The following HIBADH variants were observed in gnomAD, a reference collection of about 807,000 sequenced individuals.
HIBADH encodes the protein 3-hydroxyisobutyrate dehydrogenase, also known as 3-hydroxyisobutyrate dehydrogenase, mitochondrial.
HIBADH carries 25 observed loss-of-function variants against 36.1 expected under a neutral mutation model. That is an observed-to-expected ratio of 0.69 (90% confidence interval 0.50 to 0.97). The LOEUF (loss-of-function observed/expected upper bound fraction) is 0.97, where lower values mean the gene tolerates loss of function less well. HIBADH is among the 50% of genes least tolerant of loss of function. The probability of loss-of-function intolerance (pLI) is 0.00; values close to 1 mark genes in which losing one functional copy is unlikely to be tolerated. For missense variants in HIBADH, 421 were observed against 418.0 expected (o/e 1.01, Z -0.06); for synonymous variants, 160 against 149.5 (o/e 1.07, Z -0.51).
intron 4 of HIBADH, among the ~76,000 whole-genome samples, chr7:27,573,977 A>T (rs998724925): frequency 6.6e-6 from 1 of 152,090 alleles, no homozygotes; most frequent in Non-Finnish European, 1.5e-5. Context: ...TGTGGCTTAT[A>T]TTACATTTCT....
chr7:27,660,542 G>T (rs191180487), intron 1 of HIBADH, among the ~76,000 whole-genome samples: 11 of 152,268 alleles, frequency 7.2e-5, no homozygotes, highest in Admixed American at 2.0e-4. Context: ...GCAGGCGCCT[G>T]TAGTCCCAGG....
intron 4 of HIBADH, among the ~76,000 whole-genome samples, chr7:27,573,953 T>A (rs760293323): frequency 2.0e-5 from 3 of 152,184 alleles, no homozygotes; most frequent in Non-Finnish European, 4.4e-5. Context: ...TACTAAAAAA[T>A]TTTAAATTAC....
chr7:27,635,288 G>T (rs961539704), intron 2 of HIBADH, among the ~76,000 whole-genome samples: 2 of 152,140 alleles, frequency 1.3e-5, no homozygotes, highest in African/African-American at 4.8e-5. Flanking sequence ...CAACCTTGTT[G>T]CCAGTCTGAC....
intron 4 of HIBADH, among the ~76,000 whole-genome samples, chr7:27,567,515 G>A (rs913687182): frequency 3.3e-5 from 5 of 151,956 alleles, no homozygotes; most frequent in Non-Finnish European, 5.9e-5. Flanking sequence ...AAGTCTACTA[G>A]TTTATTTTCT....
chr7:27,662,484 G>A (rs1786443368), intron 1 of HIBADH, among the ~76,000 whole-genome samples: 3 of 152,160 alleles, frequency 2.0e-5, no homozygotes, highest in Non-Finnish European at 4.4e-5. Context: ...CGTTCATCAG[G>A]AGCCCGGGAG....
intron 4 of HIBADH, among the ~76,000 whole-genome samples, chr7:27,557,845 G>A (rs187172969): frequency 8.5e-5 from 13 of 152,252 alleles, no homozygotes; most frequent in East Asian, 5.8e-4. Context: ...CATTCAAACC[G>A]TAGCACAATA....
chr7:27,629,584 C>T (rs893344837), intron 3 of HIBADH, 92 bp from the exon 4 acceptor site: 9 of 809,796 alleles, frequency 1.1e-5, no homozygotes, highest in Non-Finnish European at 1.4e-5. Context: ...TGAAAAGCTG[C>T]CATATATCAA....
At chr7:27,630,913 C>A (rs905329061) in intron 3 of HIBADH, among the ~76,000 whole-genome samples, 9 of 152,088 alleles carry the variant, frequency 5.9e-5, no homozygotes, top group African/African-American at 1.7e-4. Context: ...GTTTATCAAT[C>A]TGTGATCTTA....
intron 4 of HIBADH, among the ~76,000 whole-genome samples, chr7:27,611,336 A>G (rs190864406): frequency 6.6e-6 from 1 of 152,366 alleles, no homozygotes; most frequent in African/African-American, 2.4e-5. Context: ...AAGCACAGCT[A>G]TAATGATGCC....
intron 5 of HIBADH, 46 bp downstream of exon 5, chr7:27,542,921 T>C (rs761349197): frequency 6.3e-7 from 1 of 1,579,868 alleles, no homozygotes; most frequent in Admixed American, 1.8e-5. Flanking sequence ...GGAACATTAG[T>C]CAATTTTACA....
intron 4 of HIBADH, among the ~76,000 whole-genome samples, chr7:27,603,004 T>C (rs1785158437): frequency 6.6e-6 from 1 of 152,146 alleles, no homozygotes; most frequent in South Asian, 2.1e-4. Flanking sequence ...TTACATCAGA[T>C]ACAGCCAGGC....
chr7:27,540,715 C>T (rs1784136360), intron 5 of HIBADH, among the ~76,000 whole-genome samples: 2 of 152,172 alleles, frequency 1.3e-5, no homozygotes, highest in Non-Finnish European at 2.9e-5. Flanking sequence ...TGATCCCCTA[C>T]TCTAGAGGCT....
At chr7:27,552,768 G>T (rs1784335678) in intron 4 of HIBADH, among the ~76,000 whole-genome samples, 1 of 152,148 alleles carries the variant, frequency 6.6e-6, no homozygotes, top group Non-Finnish European at 1.5e-5. Flanking sequence ...TTACCTTAAT[G>T]CACCTGTTCC....
chr7:27,566,452 C>T (rs1313758690), intron 4 of HIBADH, among the ~76,000 whole-genome samples: 2 of 151,902 alleles, frequency 1.3e-5, no homozygotes, highest in African/African-American at 4.8e-5. Context: ...ATTCCTGACA[C>T]TGGTAATTTG....
intron 4 of HIBADH, among the ~76,000 whole-genome samples, chr7:27,623,783 G>C (rs1231763355): frequency 3.3e-5 from 5 of 152,144 alleles, no homozygotes. Context: ...CATGCTCATA[G>C]ATCACAAGAA....
chr7:27,601,807 CTAGAT>C (rs1369836001), intron 4 of HIBADH, among the ~76,000 whole-genome samples: 2 of 152,116 alleles, frequency 1.3e-5, no homozygotes, highest in East Asian at 1.9e-4. Flanking sequence ...CTTTAGTTAA[CTAGAT>C]TAAAGCACTT....
At chr7:27,621,294 T>C (rs1785537466) in intron 4 of HIBADH, among the ~76,000 whole-genome samples, 1 of 152,086 alleles carries the variant, frequency 6.6e-6, no homozygotes, top group Non-Finnish European at 1.5e-5. Context: ...CACCCAATTC[T>C]CAATGTTAAA....
intron 4 of HIBADH, among the ~76,000 whole-genome samples, chr7:27,589,794 C>CT (rs1784914399): frequency 6.6e-6 from 1 of 152,178 alleles, no homozygotes; most frequent in Non-Finnish European, 1.5e-5. Context: ...GGCAAAGACT[C>CT]TGTGGTTGAC....
At chr7:27,581,325 G>A (rs1029250234) in intron 4 of HIBADH, among the ~76,000 whole-genome samples, 4 of 152,150 alleles carry the variant, frequency 2.6e-5, no homozygotes, top group Non-Finnish European at 5.9e-5. Flanking sequence ...CGAGGAAGCT[G>A]AGGATGTGTA....
Sources: gnomAD v4.1 joint callset for allele counts (sites outside exome capture counted in the v4.1 genomes callset) on GRCh38, gnomAD v4.1.1 for gene constraint, MANE v1.5 for transcripts, NCBI Gene and HGNC (gene_info 2026-07-23, HGNC 2026-07-21) for gene names.